Variants in DHTKD1 observed in about 807,000 individuals in gnomAD.
DHTKD1 encodes the protein 2-oxoadipate dehydrogenase complex component E1.
Under a neutral mutation model 101.8 loss-of-function variants are expected in DHTKD1, and 78 were observed. The observed-to-expected ratio is 0.77, with a 90% CI of 0.64 to 0.93. DHTKD1 has a LOEUF of 0.93. Ranked by LOEUF, DHTKD1 falls within the 40% of genes least tolerant of loss-of-function variation. The probability of loss-of-function intolerance (pLI) is 0.00; values close to 1 mark genes in which losing one functional copy is unlikely to be tolerated. For synonymous variants in DHTKD1, 462 were observed against 450.3 expected (o/e 1.03, Z -0.33); for missense variants, 1,223 against 1,161.7 (o/e 1.05, Z -0.77).
chr10:12,094,194 G>A lies in DHTKD1; in HGVS notation c.1281G>A (p.Leu427=). 6.2e-7 allele frequency: 1 copy of A among 1,614,190 alleles called. No homozygotes were observed. Among genetic ancestry groups the A allele is most frequent in the Non-Finnish European group, 8.5e-7 (1 of 1,180,040 alleles). The part of the protein sequence containing the change: ...RQFRKDVIID[L]LCYRQWGHNE... ...TCCGCAAGGATGTGATTATTGATCT[G>A]TTGTGCTACAGGCAGTGGGGCCACA... Residue 427 remains leucine, a synonymous_variant, in exon 7 of 17, where the codon CTG becomes CTA. Coordinates refer to ENST00000263035, the MANE Select transcript of DHTKD1 (RefSeq NM_018706.7).
At chr10:12,073,727 A>G (rs1832683955) in intron 1 of DHTKD1, among the ~76,000 whole-genome samples, 1 of 152,188 alleles carries the variant, frequency 6.6e-6, no homozygotes, top group Admixed American at 6.6e-5. Context: ...AGCAAGGCAG[A>G]CTGGAGTAAT....
Position 12,080,299 on chromosome 10 carries a change from CAA to C in DHTKD1, c.155-1154_155-1153del, listed in dbSNP as rs11359134. 3.8e-3 allele frequency among the ~76,000 whole-genome samples: 333 copies of C among 87,652 alleles called. 2 individuals carry two copies. Among genetic ancestry groups the C allele is most frequent in the South Asian group, 0.025 (66 of 2,668 alleles). 57.5% of individuals were successfully genotyped at this position (87,652 alleles called of 152,430 possible). A position where few individuals can be genotyped will look rare whatever the true frequency, so the allele number is the denominator to read the frequency against. On this transcript the variant is annotated intron_variant, in intron 1 of 16. Coordinates refer to ENST00000263035, the MANE Select transcript of DHTKD1 (RefSeq NM_018706.7). ...TGGGCAACAGAGCAAGACTCCGTCT[CAA>C]AAAAAAAAAAAAAAAAAAGTTGTGC...
In DHTKD1 at chr10:12,107,811, C is replaced by A; in HGVS notation, c.2048-98C>A. The stretch of plus-strand genomic sequence containing the variant: ...TGTAATGAAAGCAGTTTTGGGGGGC[C>A]AGGCAGAAAACTAACATTGATTTCC... On this transcript the variant is annotated intron_variant, in intron 11 of 16. Coordinates refer to ENST00000263035, the MANE Select transcript of DHTKD1 (RefSeq NM_018706.7). The surrounding 1 kb of genome is among the most constrained non-coding windows in gnomAD (Gnocchi z 4.1). The A allele has an allele frequency of 1.3e-6, 1 of 759,816 alleles. No individual in the cohort carries two copies. The highest frequency in any genetic ancestry group is 2.6e-5 in the East Asian group (1 of 37,750). The allele number at this position is 759,816 out of a possible 1,614,324, so 47.1% of individuals were successfully genotyped here.
intron 5 of DHTKD1, 23 bp from the exon 6 acceptor site, chr10:12,091,490 G>A (rs751598837): frequency 2.7e-5 from 37 of 1,347,618 alleles, no homozygotes; most frequent in East Asian, 1.0e-4. Context: ...CTCCCCACCC[G>A]CTCCCCTTGC....
intron 1 of DHTKD1, among the ~76,000 whole-genome samples, chr10:12,079,787 A>T (rs1031520206): frequency 6.6e-6 from 1 of 152,186 alleles, no homozygotes; most frequent in African/African-American, 2.4e-5. Context: ...ACTGATGGAG[A>T]ACTTGAATAA....
At chr10:12,098,253 C>G (rs1410385394) in intron 8 of DHTKD1, among the ~76,000 whole-genome samples, 1 of 152,132 alleles carries the variant, frequency 6.6e-6, no homozygotes, top group Non-Finnish European at 1.5e-5. Context: ...TACATGCACA[C>G]TATAAGAAAT....
chr10:12,076,975 TAAAAA>T (rs61096299), intron 1 of DHTKD1, among the ~76,000 whole-genome samples: 1 of 61,838 alleles, frequency 1.6e-5, no homozygotes, highest in Admixed American at 2.3e-4. Context: ...CTGTTTCTGA[TAAAAA>T]AAAAAAAAAA....
chr10:12,084,440 T>C, intron 2 of DHTKD1, 100 bp from the exon 3 acceptor site: 2 of 769,024 alleles, frequency 2.6e-6, no homozygotes, highest in Non-Finnish European at 4.3e-6. Flanking sequence ...TTTTAAACAT[T>C]GGGGTTAATT....
chr10:12,085,900 G>A (rs11257528), intron 3 of DHTKD1, among the ~76,000 whole-genome samples: 73,934 of 151,844 alleles, frequency 0.49, 19,792 homozygotes, highest in South Asian at 0.72. Flanking sequence ...AACAGAGCAA[G>A]ACTCTGTCCA....
At chr10:12,083,493 G>C (rs1237754582) in intron 2 of DHTKD1, among the ~76,000 whole-genome samples, 4 of 152,144 alleles carry the variant, frequency 2.6e-5, no homozygotes, top group Non-Finnish European at 4.4e-5. Flanking sequence ...TCAGCACTTG[G>C]AGAGGCCGAG....
chr10:12,107,975 G>A lies in DHTKD1; in HGVS notation c.2114G>A (p.Gly705Glu), dbSNP rs758606657. Residue 705 changes from glycine to glutamate, a missense_variant, in exon 12 of 17, where the codon GGG becomes GAG. Gly to Glu is a moderately conservative substitution (Grantham distance 98, BLOSUM62 -2). Coordinates refer to ENST00000263035, the MANE Select transcript of DHTKD1 (RefSeq NM_018706.7). This position sits in a 1 kb window ranked among gnomAD's most constrained non-coding sequence, Gnocchi z 4.1. ...CTTCCACATGGCTACGATGGGGCTG[G>A]GCCAGACCACTCATCCTGTCGAATA... ...ILLPHGYDGA[G>E]PDHSSCRIER... 1 of 1,613,972 alleles carries A rather than the reference G, an allele frequency of 6.2e-7. No homozygotes were observed. The highest frequency in any genetic ancestry group is 1.1e-5 in the South Asian group (1 of 91,074).
chr10:12,069,053 C>T lies in DHTKD1; in HGVS notation c.20C>T (p.Ala7Val). The change falls in exon 1 of 17, where the codon GCA becomes GTA. Residue 7 changes from alanine (A) to valine (V), a missense_variant. Ala to Val is a moderately conservative substitution (Grantham distance 64). Coordinates refer to ENST00000263035, the MANE Select transcript of DHTKD1 (RefSeq NM_018706.7). ...GTGAACATGGCCTCTGCTACTGCGG[C>T]AGCAGCACGACGGGGCCTCGGCCGG... MASATA[A>V]AARRGLGRAL... 6.2e-7 allele frequency: 1 copy of T among 1,613,240 alleles called. No individual in the cohort carries two copies. The highest frequency in any genetic ancestry group is 1.7e-4 in the Middle Eastern group (1 of 5,922).
chr10:12,069,073 G>A lies in DHTKD1; in HGVS notation c.40G>A (p.Gly14Ser), dbSNP rs146881212. 4 of 1,612,972 alleles carry A rather than the reference G, an allele frequency of 2.5e-6. No individual in the cohort carries two copies. The Admixed American group carries it at 5.0e-5, about 20-fold the overall frequency. ...ATAAAARRGL[G>S]RALPLFWRGY... ...TGCGGCAGCAGCACGACGGGGCCTC[G>A]GCCGGGCTCTCCCTCTCTTCTGGCG... Residue 14 changes from glycine (G) to serine (S), a missense_variant, in exon 1 of 17, where the codon GGC (glycine) becomes AGC (serine). Transcript: ENST00000263035.
At position 12,117,633 on chromosome 10, in the gene DHTKD1, T is replaced by C. The variant is rs776239803; in HGVS notation, c.2320-40T>C. ...CTTGTAAGTGACAGCATCACCTCTT[T>C]CTGTTGCTTGCTGGATGTGTGGCCT... On this transcript the variant is annotated intron_variant, in intron 13 of 16. Coordinates refer to ENST00000263035, the MANE Select transcript of DHTKD1 (RefSeq NM_018706.7). 2.5e-6 allele frequency: 3 copies of C among 1,221,302 alleles called. No individual in the cohort carries two copies. The South Asian group carries it at 3.8e-5, about 15-fold the overall frequency. 75.7% of individuals were successfully genotyped at this position (1,221,302 alleles called of 1,614,324 possible).
At chr10:12,113,450 G>A (rs113980465) in intron 13 of DHTKD1, among the ~76,000 whole-genome samples, 5,004 of 152,150 alleles carry the variant, frequency 0.033, 288 homozygotes, top group African/African-American at 0.11. Context: ...CGCCCGCCTC[G>A]GCCTCCCAAA....
At chr10:12,081,887 A>G in intron 2 of DHTKD1, among the ~76,000 whole-genome samples, 1 of 151,060 alleles carries the variant, frequency 6.6e-6, no homozygotes, top group Admixed American at 6.6e-5. Context: ...GCACTTTGGG[A>G]GCCCGAGGTG....
intron 1 of DHTKD1, among the ~76,000 whole-genome samples, chr10:12,073,419 T>C (rs1311698778): frequency 6.6e-6 from 1 of 152,056 alleles, no homozygotes; most frequent in Non-Finnish European, 1.5e-5. Flanking sequence ...TGATCTCAGC[T>C]CACTGCAACC....
rs181654407 is a variant in DHTKD1 at position 12,114,215 on chromosome 10, T to C, written c.2319+1151T>C. ...AGTTTCCAAATAGAAATGTTCAAAA[T>C]AATAAATACTACTAAGCATATATTT... On this transcript the variant is annotated intron_variant, in intron 13 of 16. Coordinates refer to ENST00000263035, the MANE Select transcript of DHTKD1 (RefSeq NM_018706.7). Among the ~76,000 whole-genome samples, 653 of 152,228 alleles carry C rather than the reference T, an allele frequency of 4.3e-3. 7 individuals are homozygous for C. Among genetic ancestry groups the C allele is most frequent in the African/African-American group, 0.012 (489 of 41,548 alleles).
At chr10:12,078,320 G>C (rs568182226) in intron 1 of DHTKD1, among the ~76,000 whole-genome samples, 106 of 151,964 alleles carry the variant, frequency 7.0e-4, no homozygotes, top group Non-Finnish European at 1.2e-3. Flanking sequence ...AGCTACTCCG[G>C]AGACTGAGAT....
Sources: gnomAD v4.1 joint callset for allele counts (sites outside exome capture counted in the v4.1 genomes callset) on GRCh38, gnomAD v4.1.1 for gene constraint, Gnocchi (gnomAD v3.1) non-coding constraint, MANE v1.5 for transcripts, NCBI Gene and HGNC (gene_info 2026-07-23, HGNC 2026-07-21) for gene names.